The following ATP11A variants were observed in gnomAD, a reference collection of about 807,000 sequenced individuals.
ATP11A encodes ATPase phospholipid transporting 11A.
In ATP11A, 81 loss-of-function variants were observed where a neutral mutation model predicts 154.4. That is an observed-to-expected ratio of 0.52 (90% CI 0.44 to 0.63). ATP11A has a LOEUF of 0.63. Among genes scored for constraint, ATP11A ranks in the 30% least tolerant of loss-of-function variants. ATP11A has a pLI of 0.00. For missense variants in ATP11A, 1,316 were observed against 1,474.3 expected, an observed-to-expected ratio of 0.89 and a Z score of 1.76; for synonymous variants, 623 against 585.9, an observed-to-expected ratio of 1.06 and a Z score of -0.91.
intron 1 of ATP11A, among the ~76,000 whole-genome samples, chr13:112,712,061 G>C (rs774202483): frequency 2.6e-5 from 4 of 152,312 alleles, no homozygotes; most frequent in Non-Finnish European, 2.9e-5. Context: ...ACCTTTTGTC[G>C]ATGAGTTTAA....
Position 112,873,608 on chromosome 13 carries a change from C to T in ATP11A, c.3093C>T (p.Asn1031=), listed in dbSNP as rs2080616319. 3.7e-6 allele frequency: 6 copies of T among 1,612,766 alleles called. No individual in the cohort carries two copies. Among genetic ancestry groups the T allele is most frequent in the Non-Finnish European group, 5.1e-6 (6 of 1,179,700 alleles). The change falls in exon 27 of 30, where the codon AAC becomes AAT. Residue 1031 remains asparagine (N), a synonymous_variant. Transcript: ENST00000375645. Reference sequence around the variant, plus strand: ...ACACACACTACTGGACTTGGATCAACCATTTTGTCATCTGGGGGTCGCTGC... The same window carrying T: ...ACACACACTACTGGACTTGGATCAATCATTTTGTCATCTGGGGGTCGCTGC... ...ALDTHYWTWI[N]HFVIWGSLLF...
At chr13:112,707,633 C>G (rs187891712) in intron 1 of ATP11A, among the ~76,000 whole-genome samples, 1 of 152,196 alleles carries the variant, frequency 6.6e-6, no homozygotes, top group East Asian at 1.9e-4. Context: ...GGTGAAAAAG[C>G]TCGGTAAGTG....
intron 28 of ATP11A, among the ~76,000 whole-genome samples, chr13:112,877,490 G>A (rs531101256): frequency 1.3e-5 from 2 of 152,384 alleles, no homozygotes; most frequent in South Asian, 2.1e-4. Flanking sequence ...AGACACACAT[G>A]TAACAAGGAC....
chr13:112,872,647 TAAAG>T (rs1156796739), intron 26 of ATP11A, among the ~76,000 whole-genome samples: 1 of 152,214 alleles, frequency 6.6e-6, no homozygotes, highest in Non-Finnish European at 1.5e-5. Flanking sequence ...AGTAGAGACA[TAAAG>T]AACACCTTAA....
At chr13:112,825,321 G>C (rs1333850081) in intron 10 of ATP11A, 109 bp from the exon 11 acceptor site, 2 of 1,269,918 alleles carry the variant, frequency 1.6e-6, no homozygotes, top group Non-Finnish European at 2.2e-6. Context: ...ACATCACTGT[G>C]CCCTTCCTAT....
At chr13:112,864,465 CCCAGCGGGG>C (rs2080247448) in intron 25 of ATP11A, among the ~76,000 whole-genome samples, 2 of 93,930 alleles carry the variant, frequency 2.1e-5, no homozygotes, top group African/African-American at 3.8e-5. Flanking sequence ...CATGCAGCTT[CCCAGCGGGG>C]TCCATCACCA....
At chr13:112,848,549 T>G (rs551260438) in intron 17 of ATP11A, among the ~76,000 whole-genome samples, 8 of 152,376 alleles carry the variant, frequency 5.3e-5, no homozygotes, top group African/African-American at 1.9e-4. Context: ...CTTTTTCTCT[T>G]TATAGCCTAA....
At chr13:112,810,890 C>T (rs2078474808) in intron 5 of ATP11A, among the ~76,000 whole-genome samples, 164 bp downstream of exon 5, 2 of 152,078 alleles carry the variant, frequency 1.3e-5, no homozygotes, top group Admixed American at 6.6e-5. Context: ...GAGGCTTCAC[C>T]GTGCCTGTGA....
At chr13:112,711,575 G>A (rs1210484692) in intron 1 of ATP11A, among the ~76,000 whole-genome samples, 5 of 152,080 alleles carry the variant, frequency 3.3e-5, no homozygotes, top group South Asian at 2.1e-4. Context: ...CATCCACCAG[G>A]GGTCAGGAGT....
chr13:112,849,157 T>C (rs1406777481), intron 17 of ATP11A, among the ~76,000 whole-genome samples: 2 of 152,250 alleles, frequency 1.3e-5, no homozygotes, highest in African/African-American at 4.8e-5. Flanking sequence ...CTTTCATATG[T>C]TGACTCACTT....
intron 6 of ATP11A, 83 bp downstream of exon 6, chr13:112,816,294 A>C: frequency 1.3e-6 from 2 of 1,561,432 alleles, no homozygotes; most frequent in Non-Finnish European, 1.7e-6. Context: ...AGAAACTAAC[A>C]TCCTGTTTGA....
intron 2 of ATP11A, among the ~76,000 whole-genome samples, chr13:112,798,369 G>C (rs996611573): frequency 6.6e-6 from 1 of 152,228 alleles, no homozygotes; most frequent in African/African-American, 2.4e-5. Flanking sequence ...CTGGGCTCAA[G>C]GGATCCACTG....
At chr13:112,872,467 C>T (rs535155401) in intron 26 of ATP11A, among the ~76,000 whole-genome samples, 5 of 152,268 alleles carry the variant, frequency 3.3e-5, no homozygotes, top group South Asian at 2.1e-4. Context: ...AAAAAGTAGC[C>T]GGGCATGGTG....
At chr13:112,866,681 TAGCCTGACCTCTCTCTCCCTGTGTG>T in intron 25 of ATP11A, among the ~76,000 whole-genome samples, 1 of 91,614 alleles carries the variant, frequency 1.1e-5, no homozygotes, top group African/African-American at 4.0e-5. Flanking sequence ...GTTCCTTGTT[TAGCCTGACCTCTCTCTCCCTGTGTG>T]TTTGTCCCTC....
chr13:112,824,018 A>T (rs956703223), intron 9 of ATP11A, among the ~76,000 whole-genome samples: 1 of 152,016 alleles, frequency 6.6e-6, no homozygotes, highest in African/African-American at 2.4e-5. Context: ...TTGTATTGTT[A>T]TTTTTATTGG....
chr13:112,842,352 C>T lies in ATP11A; in HGVS notation c.1782C>T (p.Ile594=). ...PRVIEGKVDQ[I]RARVERNAVE... Reference sequence around the variant, plus strand: ...TGATAGAAGGCAAAGTTGACCAGATCCGAGCCAGAGTGGAGCGTAACGCAG... The same window carrying T: ...TGATAGAAGGCAAAGTTGACCAGATTCGAGCCAGAGTGGAGCGTAACGCAG... The change falls in exon 17 of 30, where the codon ATC becomes ATT. Residue 594 remains isoleucine (I), a synonymous_variant. Coordinates refer to ENST00000375645, the MANE Select transcript of ATP11A (RefSeq NM_015205.3). 1 of 1,609,960 alleles carries T rather than the reference C, an allele frequency of 6.2e-7. No homozygotes were observed. The highest frequency in any genetic ancestry group is 8.5e-7 in the Non-Finnish European group (1 of 1,178,024).
Position 112,823,351 on chromosome 13 carries a change from A to G in ATP11A, c.732A>G (p.Leu244=). The G allele has an allele frequency of 6.2e-7, 1 of 1,613,600 alleles. No homozygotes were observed. The highest frequency in any genetic ancestry group is 8.5e-7 in the Non-Finnish European group (1 of 1,179,602). The change falls in exon 9 of 30, where the codon TTA becomes TTG. Residue 244 remains leucine, a synonymous_variant. Coordinates refer to ENST00000375645, the MANE Select transcript of ATP11A (RefSeq NM_015205.3). The part of the protein sequence containing the change: ...SDLNDPVVRP[L]GSENLLLRGA... ...GATCATCGTATCTTTACAGGCCCTT[A>G]GGATCGGAAAACCTGCTGCTTAGAG...
Position 112,882,209 on chromosome 13 carries a change from C to A in ATP11A, c.*343C>A. ...TGTGGTTGTTGAGCCACACCAGTGGCCTCTGGGCATTCGGCTCAACGCAGG... is the reference window on the plus strand; with the variant it reads ...TGTGGTTGTTGAGCCACACCAGTGGACTCTGGGCATTCGGCTCAACGCAGG... On this transcript the variant is annotated 3_prime_UTR_variant, in exon 30 of 30. Coordinates refer to ENST00000375645, the MANE Select transcript of ATP11A (RefSeq NM_015205.3). This position sits in a 1 kb window ranked among gnomAD's most constrained non-coding sequence, Gnocchi z 5.1. The A allele has an allele frequency of 9.3e-7, 1 of 1,076,388 alleles. No homozygotes were observed. The highest frequency in any genetic ancestry group is 1.2e-6 in the Non-Finnish European group (1 of 806,432). 66.7% of individuals were successfully genotyped at this position (1,076,388 alleles called of 1,614,324 possible).
intron 12 of ATP11A, among the ~76,000 whole-genome samples, chr13:112,828,069 C>T (rs933833104): frequency 4.0e-5 from 6 of 151,202 alleles, no homozygotes; most frequent in Admixed American, 1.3e-4. Flanking sequence ...AGGAAAGTGC[C>T]CAGCAGCGTT....
Sources: gnomAD v4.1 joint callset for allele counts (sites outside exome capture counted in the v4.1 genomes callset) on GRCh38, gnomAD v4.1.1 for gene constraint, Gnocchi (gnomAD v3.1) non-coding constraint, MANE v1.5 for transcripts, NCBI Gene and HGNC (gene_info 2026-07-23, HGNC 2026-07-21) for gene names.